ADNP: variants seen among roughly 807,000 people sequenced by gnomAD.
The protein encoded by ADNP is activity-dependent neuroprotector homeobox protein.
In ADNP, 4 loss-of-function variants were observed where a neutral mutation model predicts 84.9. The ratio of observed to expected loss-of-function variants is 0.05; its 90% CI spans 0.02 to 0.11. The LOEUF (loss-of-function observed/expected upper bound fraction) is 0.11. ADNP is among the 10% of genes least tolerant of loss of function. The pLI is 1.00. For synonymous variants in ADNP, 554 were observed against 468.1 expected, an observed-to-expected ratio of 1.18 and a Z score of -2.37; for missense variants, 1,132 against 1,326.0, an observed-to-expected ratio of 0.85 and a Z score of 2.27.
In ADNP at chr20:50,891,192, AT is replaced by A; in HGVS notation, c.*212del. 1 of 1,312,772 alleles carries A rather than the reference AT, an allele frequency of 7.6e-7. No homozygotes were observed. The highest frequency in any genetic ancestry group is 9.7e-7 in the Non-Finnish European group (1 of 1,035,682). 81.3% of individuals were successfully genotyped at this position (1,312,772 alleles called of 1,614,324 possible). A position where few individuals can be genotyped will look rare whatever the true frequency, so the allele number is the denominator to read the frequency against. ...AGTCACCAGCTTATTGGTTTTTCAC[AT>A]TTAGTTACCGTGTCTGTCAGAGAAG... On this transcript the variant is annotated 3_prime_UTR_variant, in exon 6 of 6. Transcript: ENST00000621696.
intron 5 of ADNP, among the ~76,000 whole-genome samples, chr20:50,896,513 C>T (rs905181738): frequency 2.0e-5 from 3 of 152,050 alleles, no homozygotes; most frequent in Non-Finnish European, 2.9e-5. Context: ...GAGCTGAGAT[C>T]GTGCCATTGC....
intron 5 of ADNP, among the ~76,000 whole-genome samples, chr20:50,900,296 C>T (rs6096172): frequency 7.9e-5 from 12 of 152,036 alleles, no homozygotes; most frequent in South Asian, 2.1e-4. Flanking sequence ...AGTTTGTAGC[C>T]TAGGAGCAAC....
At chr20:50,930,021 A>G (rs376645120) in intron 1 of ADNP, among the ~76,000 whole-genome samples, 4 of 152,132 alleles carry the variant, frequency 2.6e-5, no homozygotes, top group Non-Finnish European at 5.9e-5. Flanking sequence ...CGCCTTTTCC[A>G]GCAGACAGGG....
intron 2 of ADNP, among the ~76,000 whole-genome samples, chr20:50,908,830 G>T (rs1234441483): frequency 6.6e-6 from 1 of 151,952 alleles, no homozygotes; most frequent in African/African-American, 2.4e-5. Flanking sequence ...GTGGACAAGG[G>T]ATCCATACTT....
At chr20:50,925,973 C>A (rs1370436719) in intron 2 of ADNP, among the ~76,000 whole-genome samples, 1 of 152,178 alleles carries the variant, frequency 6.6e-6, no homozygotes, top group Non-Finnish European at 1.5e-5. Context: ...TTGTGGCAGG[C>A]ACCTGTAATC....
chr20:50,924,469 A>AT (rs1984159540), intron 2 of ADNP, among the ~76,000 whole-genome samples: 4 of 152,192 alleles, frequency 2.6e-5, no homozygotes, highest in African/African-American at 7.2e-5. Flanking sequence ...AGCACCATAA[A>AT]GGCCTGTGTT....
Position 50,892,410 on chromosome 20 carries a change from T to A in ADNP, c.2304A>T (p.Lys768Asn). ...TGTTGAAATACTTTGTTAGAAAGCT[T>A]TTCCTGGCTTCATAGGAATCATCTT... ...GHEDDSYEAR[K>N]SFLTKYFNKQ... Residue 768 changes from lysine (K) to asparagine (N), a missense_variant, in exon 6 of 6, where the codon AAA becomes AAT. Physicochemically the swap from Lys to Asn is moderately conservative, Grantham distance 94 (BLOSUM62 0). Coordinates refer to ENST00000621696, the MANE Select transcript of ADNP (RefSeq NM_001282531.3). 6.2e-7 allele frequency: 1 copy of A among 1,614,226 alleles called. No homozygotes were observed. Among genetic ancestry groups the A allele is most frequent in the Non-Finnish European group, 8.5e-7 (1 of 1,180,044 alleles).
chr20:50,929,220 G>C (rs896735374), intron 1 of ADNP, among the ~76,000 whole-genome samples: 1 of 152,208 alleles, frequency 6.6e-6, no homozygotes, highest in Non-Finnish European at 1.5e-5. Context: ...ACTTAGGAAA[G>C]ATATGGTGAC....
Position 50,892,250 on chromosome 20 carries a change from C to T in ADNP, c.2464G>A (p.Val822Met). ...TCTTTCATGTTAAACCCCAGCAACA[C>T]GCCAGGCTTGTACTTTTCACAATCA... ...VRDCEKYKPGVLLGFNMKELN... is the reference protein window; with the variant it reads ...VRDCEKYKPGMLLGFNMKELN... The change falls in exon 6 of 6, where the codon GTG becomes ATG. Residue 822 changes from valine (V) to methionine (M), a missense_variant. By Grantham distance (21) the Val-to-Met change is conservative. Coordinates refer to ENST00000621696, the MANE Select transcript of ADNP (RefSeq NM_001282531.3). 1.2e-6 allele frequency: 2 copies of T among 1,614,162 alleles called. No individual in the cohort carries two copies. The highest frequency in any genetic ancestry group is 8.5e-7 in the Non-Finnish European group (1 of 1,180,040).
At chr20:50,920,802 A>G (rs948107602) in intron 2 of ADNP, among the ~76,000 whole-genome samples, 3 of 152,124 alleles carry the variant, frequency 2.0e-5, no homozygotes, top group African/African-American at 7.2e-5. Flanking sequence ...TAATAATACT[A>G]TTTTCCTGGA....
intron 5 of ADNP, among the ~76,000 whole-genome samples, chr20:50,896,206 C>T (rs1348154589): frequency 6.6e-6 from 1 of 152,172 alleles, no homozygotes; most frequent in Non-Finnish European, 1.5e-5. Context: ...GCCTGGGCAA[C>T]ACAGCGAGAC....
At chr20:50,914,106 A>T in intron 2 of ADNP, 1 of 751,090 alleles carries the variant, frequency 1.3e-6, no homozygotes, top group South Asian at 1.5e-5. Context: ...TGTTACTAGA[A>T]GGTGGGGCTA....
At chr20:50,923,872 T>C (rs529582254) in intron 2 of ADNP, among the ~76,000 whole-genome samples, 124 of 152,326 alleles carry the variant, frequency 8.1e-4, no homozygotes, top group Admixed American at 1.5e-3. Flanking sequence ...TGAGCACTTC[T>C]TGCATTTGGA....
chr20:50,913,134 T>G (rs183066466), intron 2 of ADNP, among the ~76,000 whole-genome samples: 7 of 151,680 alleles, frequency 4.6e-5, no homozygotes, highest in Non-Finnish European at 8.8e-5. Context: ...ATACCTGTAA[T>G]CCCAGCTATT....
chr20:50,907,103 G>T (rs897891287), intron 2 of ADNP, among the ~76,000 whole-genome samples: 1 of 151,638 alleles, frequency 6.6e-6, no homozygotes, highest in Non-Finnish European at 1.5e-5. Flanking sequence ...GAGTAGCTGG[G>T]ACTACAGGCG....
At position 50,894,021 on chromosome 20, in the gene ADNP, C is replaced by G. The variant is rs1221840397; in HGVS notation, c.693G>C (p.Lys231Asn). The part of the protein sequence containing the change: ...IHCKRCLFMP[K>N]SYEALVQHVI... Reference sequence around the variant, plus strand: ...CATGCTGTACCAAAGCTTCATAGGACTTTGGCATGAAAAGGCATCGCTTGC... The same window carrying G: ...CATGCTGTACCAAAGCTTCATAGGAGTTTGGCATGAAAAGGCATCGCTTGC... Residue 231 changes from lysine (K) to asparagine (N), a missense_variant, in exon 6 of 6, where the codon AAG becomes AAC. By Grantham distance (94) the Lys-to-Asn change is moderately conservative. Around this residue, in one of 10 missense-constraint regions of ADNP, gnomAD observed 130 missense variants for 183.7 expected, o/e 0.71. Transcript: ENST00000621696. 4 of 1,614,190 alleles carry G rather than the reference C, an allele frequency of 2.5e-6. No homozygotes were observed. The highest frequency in any genetic ancestry group is 3.4e-6 in the Non-Finnish European group (4 of 1,180,038).
intron 5 of ADNP, among the ~76,000 whole-genome samples, chr20:50,895,611 A>C (rs113351992): frequency 1.3e-5 from 2 of 152,174 alleles, no homozygotes; most frequent in Non-Finnish European, 2.9e-5. Context: ...GCAGTGGCAC[A>C]ATCGGCTCAC....
At chr20:50,901,507 C>T (rs546612338) in intron 5 of ADNP, among the ~76,000 whole-genome samples, 1 of 152,178 alleles carries the variant, frequency 6.6e-6, no homozygotes, top group East Asian at 1.9e-4. Flanking sequence ...ATGACATCAT[C>T]ATCATCTATT....
intron 2 of ADNP, chr20:50,914,505 T>A: frequency 3.2e-6 from 1 of 313,334 alleles, no homozygotes; most frequent in Non-Finnish European, 6.2e-6. Flanking sequence ...TTTCTCACCT[T>A]CAAAGTCTTA....
Sources: gnomAD v4.1 joint callset for allele counts (sites outside exome capture counted in the v4.1 genomes callset) on GRCh38, gnomAD v4.1.1 for gene constraint, gnomAD v4.1.1 regional missense constraint, MANE v1.5 for transcripts, NCBI Gene and HGNC (gene_info 2026-07-23, HGNC 2026-07-21) for gene names.